The following UHRF2 variants were observed in gnomAD, a reference collection of about 807,000 sequenced individuals.
UHRF2 encodes E3 ubiquitin-protein ligase UHRF2.
In UHRF2, 23 loss-of-function variants were observed where a neutral mutation model predicts 96.8. The observed-to-expected ratio is 0.24, with a 90% CI of 0.17 to 0.34. The LOEUF is 0.34. Among genes scored for constraint, UHRF2 ranks in the 10% least tolerant of loss-of-function variants. The pLI, the probability that UHRF2 is intolerant of heterozygous loss-of-function variation, is 1.00. For missense variants in UHRF2, 685 were observed against 981.5 expected, an observed-to-expected ratio of 0.70 and a Z score of 4.04; for synonymous variants, 385 against 332.6, an observed-to-expected ratio of 1.16 and a Z score of -1.72.
At chr9:6,505,934 C>G (rs1016580357) in intron 15 of UHRF2, 99 bp from the exon 16 acceptor site, 5 of 1,252,836 alleles carry the variant, frequency 4.0e-6, no homozygotes, top group East Asian at 2.3e-5. Flanking sequence ...GTACATTTCT[C>G]TCATTACCAG....
intron 12 of UHRF2, 108 bp from the exon 13 acceptor site, chr9:6,499,727 G>T: frequency 7.1e-6 from 4 of 562,368 alleles, no homozygotes; most frequent in Non-Finnish European, 1.2e-5. Flanking sequence ...TTTCAGTTTG[G>T]GGAACGTGTA....
chr9:6,457,607 A>G (rs1390181275), intron 3 of UHRF2, among the ~76,000 whole-genome samples: 4 of 152,194 alleles, frequency 2.6e-5, no homozygotes, highest in Non-Finnish European at 4.4e-5. Flanking sequence ...GAATTCTTCC[A>G]GTTTTTGCCC....
At chr9:6,470,921 A>G (rs7020390) in intron 4 of UHRF2, among the ~76,000 whole-genome samples, 84,863 of 152,038 alleles carry the variant, frequency 0.56, 25,382 homozygotes, top group African/African-American at 0.77. Flanking sequence ...AACAAACACA[A>G]CTGTATCAGC....
At chr9:6,453,598 C>G (rs575194221) in intron 3 of UHRF2, among the ~76,000 whole-genome samples, 201 of 152,130 alleles carry the variant, frequency 1.3e-3, no homozygotes, top group African/African-American at 4.5e-3. Context: ...TGAAACAACA[C>G]GAGTGTATAA....
chr9:6,484,587 T>TC (rs1365282833), intron 8 of UHRF2: 1 of 150,266 alleles, frequency 6.7e-6, no homozygotes, highest in African/African-American at 2.4e-5. Flanking sequence ...GTTTTTTTTT[T>TC]TTTTTGTAGA....
chr9:6,473,912 C>A (rs1450692603), intron 4 of UHRF2, among the ~76,000 whole-genome samples: 2 of 152,132 alleles, frequency 1.3e-5, no homozygotes, highest in Admixed American at 1.3e-4. Context: ...ATGCAAATAT[C>A]AAAAATCAAC....
intron 1 of UHRF2, among the ~76,000 whole-genome samples, chr9:6,418,577 C>G (rs1819747201): frequency 6.6e-6 from 1 of 152,084 alleles, no homozygotes; most frequent in Non-Finnish European, 1.5e-5. Context: ...ATTTGGTTGA[C>G]TTCTCAAATA....
At chr9:6,468,568 A>G (rs1823019795) in intron 4 of UHRF2, 2 of 455,972 alleles carry the variant, frequency 4.4e-6, no homozygotes, top group African/African-American at 2.0e-5. Context: ...AATCTAGTTC[A>G]GAGCAGCTAG....
intron 2 of UHRF2, chr9:6,422,673 G>T: frequency 1.6e-6 from 1 of 640,340 alleles, no homozygotes; most frequent in South Asian, 1.8e-5. Context: ...GCAGTGACGT[G>T]AACACGGCTC....
Position 6,422,741 on chromosome 9 carries a change from T to C in UHRF2, c.384+1599T>C, listed in dbSNP as rs552738619. 3 of 504,486 alleles carry C rather than the reference T, an allele frequency of 5.9e-6. No homozygotes were observed. The East Asian group carries it at 1.0e-4, about 17-fold the overall frequency. The allele number at this position is 504,486 out of a possible 1,614,324, so 31.3% of individuals were successfully genotyped here. Reference sequence around the variant, plus strand: ...CTTCCTGCTCGGCCTCCCAAAGTGCTGGGATACAGGCGTGAGCCACCATGC... The same window carrying C: ...CTTCCTGCTCGGCCTCCCAAAGTGCCGGGATACAGGCGTGAGCCACCATGC... On this transcript the variant is annotated intron_variant, in intron 2 of 15. Coordinates refer to ENST00000276893, the MANE Select transcript of UHRF2 (RefSeq NM_152896.3).
intron 9 of UHRF2, among the ~76,000 whole-genome samples, chr9:6,490,808 A>G (rs1054820712): frequency 1.3e-5 from 2 of 152,206 alleles, no homozygotes; most frequent in African/African-American, 4.8e-5. Context: ...CTAAGATGAC[A>G]TATAGGCCTT....
chr9:6,493,718 A>G, intron 9 of UHRF2, 108 bp from the exon 10 acceptor site: 1 of 957,232 alleles, frequency 1.0e-6, no homozygotes, highest in Non-Finnish European at 1.5e-6. Context: ...GCCTCAAGAG[A>G]AAATGTCAAC....
intron 10 of UHRF2, chr9:6,494,808 C>G (rs1824867312): frequency 6.6e-6 from 1 of 152,108 alleles, no homozygotes; most frequent in African/African-American, 2.4e-5. Context: ...TTTCTGATTA[C>G]TGTGTGATGT....
At position 6,444,530 on chromosome 9, in the gene UHRF2, A is replaced by G. The variant is rs180932432; in HGVS notation, c.644+10357A>G. The stretch of plus-strand genomic sequence containing the variant: ...TTTTCACCCATGTAAGGTGTTTAAG[A>G]AACAGATTCCTGAGGGGACCCTCTC... On this transcript the variant is annotated intron_variant, in intron 3 of 15. Transcript: ENST00000276893. Among the ~76,000 whole-genome samples the G allele has an allele frequency of 1.1e-3, 167 of 152,334 alleles. 2 individuals are homozygous for G. Among genetic ancestry groups the G allele is most frequent in the Non-Finnish European group, 3.2e-4 (22 of 68,024 alleles).
At chr9:6,480,119 C>A (rs1332893587) in intron 6 of UHRF2, among the ~76,000 whole-genome samples, 1 of 152,194 alleles carries the variant, frequency 6.6e-6, no homozygotes, top group African/African-American at 2.4e-5. Flanking sequence ...TACTTACTAA[C>A]CTTGGTCTCT....
intron 9 of UHRF2, among the ~76,000 whole-genome samples, chr9:6,487,745 G>A (rs958267883): frequency 6.6e-6 from 1 of 152,166 alleles, no homozygotes; most frequent in Non-Finnish European, 1.5e-5. Flanking sequence ...CAGATGATCT[G>A]CGCACCTTGG....
chr9:6,462,058 G>T (rs897920288), intron 4 of UHRF2, among the ~76,000 whole-genome samples: 2 of 151,914 alleles, frequency 1.3e-5, no homozygotes, highest in African/African-American at 4.8e-5. Context: ...TGATTAACTG[G>T]ATTAGTGATA....
chr9:6,468,579 G>C (rs749400159), intron 4 of UHRF2: 2 of 456,062 alleles, frequency 4.4e-6, no homozygotes, highest in South Asian at 3.1e-5. Context: ...GAGCAGCTAG[G>C]AGTAGGATGG....
chr9:6,504,807 T>C (rs1360167637), intron 15 of UHRF2, 116 bp downstream of exon 15: 1 of 692,654 alleles, frequency 1.4e-6, no homozygotes, highest in Admixed American at 3.3e-5. Context: ...TGCGGAACCT[T>C]CTAGTTAAGA....
Sources: allele counts gnomAD v4.1 joint callset (sites outside exome capture counted in the v4.1 genomes callset), GRCh38; gene constraint gnomAD v4.1.1; transcripts MANE v1.5; gene names NCBI Gene and HGNC (gene_info 2026-07-23, HGNC 2026-07-21).